DNAAF11: variants seen among roughly 807,000 people sequenced by gnomAD.
DNAAF11 encodes the protein dynein axonemal assembly factor 11, also known as leucine rich repeat containing 6.
DNAAF11 carries 45 observed loss-of-function variants against 60.8 expected under a neutral mutation model. The ratio of observed to expected loss-of-function variants is 0.74; its 90% CI spans 0.58 to 0.95. The LOEUF (loss-of-function observed/expected upper bound fraction) is 0.95. Among genes scored for constraint, DNAAF11 ranks in the 40% least tolerant of loss-of-function variants. The pLI, the probability that DNAAF11 is intolerant of heterozygous loss-of-function variation, is 0.00. For synonymous variants in DNAAF11, 191 were observed against 183.5 expected (o/e 1.04, Z -0.33); for missense variants, 546 against 546.2 (o/e 1.00, Z 0.00).
At chr8:132,586,884 T>A (rs1024774965) in intron 10 of DNAAF11, among the ~76,000 whole-genome samples, 1 of 152,166 alleles carries the variant, frequency 6.6e-6, no homozygotes, top group Non-Finnish European at 1.5e-5. Flanking sequence ...ATATTTTGCA[T>A]GCTCGTCTGC....
chr8:132,648,980 T>G (rs1005859558), intron 3 of DNAAF11, among the ~76,000 whole-genome samples: 1 of 152,206 alleles, frequency 6.6e-6, no homozygotes, highest in African/African-American at 2.4e-5. Context: ...AAGCTACCAA[T>G]GACTTTCTTC....
At chr8:132,654,753 A>G (rs1023927253) in intron 3 of DNAAF11, among the ~76,000 whole-genome samples, 2 of 151,940 alleles carry the variant, frequency 1.3e-5, no homozygotes, top group Non-Finnish European at 2.9e-5. Flanking sequence ...AGCACAACAT[A>G]TCAAAACTTA....
chr8:132,700,658 C>T, the DNAAF11 span, among the ~76,000 whole-genome samples: 2 of 152,132 alleles, frequency 1.3e-5, no homozygotes, highest in African/African-American at 4.8e-5. Flanking sequence ...TCTGCACTTG[C>T]ACTCCAGCCT....
intron 7 of DNAAF11, among the ~76,000 whole-genome samples, chr8:132,620,613 G>C (rs994626170): frequency 1.3e-5 from 2 of 152,190 alleles, no homozygotes; most frequent in African/African-American, 2.4e-5. Context: ...GGGATTATAG[G>C]CGTGAGCCAC....
chr8:132,679,636 C>T (rs943404430), upstream of DNAAF11, among the ~76,000 whole-genome samples: 2 of 152,154 alleles, frequency 1.3e-5, no homozygotes, highest in African/African-American at 4.8e-5. Context: ...ATAATTCCCA[C>T]GTGTTGTGGG....
chr8:132,600,245 A>G (rs944914574), intron 10 of DNAAF11, among the ~76,000 whole-genome samples: 30 of 152,188 alleles, frequency 2.0e-4, no homozygotes. Context: ...AAGGAGAACT[A>G]CAAACCACTG....
At chr8:132,636,311 C>T (rs866667139) in intron 4 of DNAAF11, among the ~76,000 whole-genome samples, 20 of 152,002 alleles carry the variant, frequency 1.3e-4, no homozygotes, top group Non-Finnish European at 7.4e-5. Flanking sequence ...TATAATTTAA[C>T]CCGGAGAGAA....
Position 132,658,511 on chromosome 8 carries a change from T to C in DNAAF11, c.179-1604A>G, listed in dbSNP as rs540150238. ...CTAATTTTTGTATTTTTAGTAGAGA[T>C]GGGGTTTCACTGTGTTAGCCAGGAT... On this transcript the variant is annotated intron_variant, in intron 2 of 11. Coordinates refer to ENST00000620350, the MANE Select transcript of DNAAF11 (RefSeq NM_012472.6). Among the ~76,000 whole-genome samples, 5 of 152,106 alleles carry C rather than the reference T, an allele frequency of 3.3e-5. No homozygotes were observed. In the East Asian group the frequency reaches 9.8e-4, roughly 30 times the overall value.
chr8:132,647,392 C>T (rs1206019569), intron 3 of DNAAF11, among the ~76,000 whole-genome samples: 1 of 152,088 alleles, frequency 6.6e-6, no homozygotes, highest in Non-Finnish European at 1.5e-5. Flanking sequence ...ATTTACAGCA[C>T]TAAATGACCA....
At chr8:132,598,659 C>T (rs1817270826) in intron 10 of DNAAF11, among the ~76,000 whole-genome samples, 1 of 152,154 alleles carries the variant, frequency 6.6e-6, no homozygotes, top group Non-Finnish European at 1.5e-5. Flanking sequence ...AAGTATAAAT[C>T]CTGCAGTTAG....
intron 5 of DNAAF11, among the ~76,000 whole-genome samples, chr8:132,627,679 C>T (rs1359312976): frequency 6.6e-6 from 1 of 152,200 alleles, no homozygotes; most frequent in East Asian, 1.9e-4. Flanking sequence ...GGAAGAGGGA[C>T]ACCCTCTCGT....
At chr8:132,625,580 T>A (rs1388097642) in intron 5 of DNAAF11, 126 bp from the exon 6 acceptor site, 1 of 736,586 alleles carries the variant, frequency 1.4e-6, no homozygotes, top group African/African-American at 1.8e-5. Context: ...ACAAAGTGAC[T>A]CTGAAAGACA....
At chr8:132,657,881 T>C (rs950709915) in intron 2 of DNAAF11, among the ~76,000 whole-genome samples, 1 of 152,180 alleles carries the variant, frequency 6.6e-6, no homozygotes, top group Non-Finnish European at 1.5e-5. Context: ...CAAGGTTAAG[T>C]GGTAGAGCTA....
In DNAAF11 at chr8:132,646,289, G is replaced by C. The variant is rs545153419; in HGVS notation, c.257-8182C>G. Among the ~76,000 whole-genome samples, 52 of 152,282 alleles carry C rather than the reference G, an allele frequency of 3.4e-4. No individual in the cohort carries two copies. In the South Asian group the frequency reaches 0.011, roughly 32 times the overall value. ...TCCTTTACAGACAAGCAAATGCTGA[G>C]AGATTTTGTCACCACCAGGCCTGCC... On this transcript the variant is annotated intron_variant, in intron 3 of 11. Transcript: ENST00000620350.
At chr8:132,641,385 T>A (rs934249718) in intron 3 of DNAAF11, among the ~76,000 whole-genome samples, 3 of 152,150 alleles carry the variant, frequency 2.0e-5, no homozygotes, top group Non-Finnish European at 4.4e-5. Context: ...TTTGTTTGAG[T>A]GTTTATGACC....
the DNAAF11 span, among the ~76,000 whole-genome samples, chr8:132,681,385 C>T: frequency 6.7e-6 from 1 of 148,728 alleles, no homozygotes; most frequent in Non-Finnish European, 1.5e-5. Context: ...GGTACAATTA[C>T]TGTCTCCATC....
rs1263131961 is a variant in DNAAF11, at chr8:132,572,111, T to TAG, written c.*194_*195insCT. 2.0e-5 allele frequency: 9 copies of TAG among 456,696 alleles called. 1 individual carries two copies. In the South Asian group the frequency reaches 5.8e-4, roughly 29 times the overall value. The allele number at this position is 456,696 out of a possible 1,614,324, so 28.3% of individuals were successfully genotyped here. A position where few individuals can be genotyped will look rare whatever the true frequency, so the allele number is the denominator to read the frequency against. The stretch of plus-strand genomic sequence containing the variant: ...CCTTTATTATAGGTAAATGATGAGT[T>TAG]ATAGCATTTAAGACATACATTTTAA... On this transcript the variant is annotated 3_prime_UTR_variant, in exon 12 of 12. Transcript: ENST00000620350.
chr8:132,575,142 C>A (rs1814606237), intron 11 of DNAAF11, among the ~76,000 whole-genome samples: 1 of 152,130 alleles, frequency 6.6e-6, no homozygotes, highest in Non-Finnish European at 1.5e-5. Context: ...AGTAGAGTGT[C>A]TAGGGTAGCT....
intron 10 of DNAAF11, among the ~76,000 whole-genome samples, chr8:132,600,286 T>C (rs1001859619): frequency 3.3e-5 from 5 of 152,242 alleles, no homozygotes; most frequent in East Asian, 1.9e-4. Flanking sequence ...CACAAACAAA[T>C]GGAAGAACAT....
Sources: gnomAD v4.1 joint callset for allele counts (sites outside exome capture counted in the v4.1 genomes callset) on GRCh38, gnomAD v4.1.1 for gene constraint, MANE v1.5 for transcripts, NCBI Gene and HGNC (gene_info 2026-07-23, HGNC 2026-07-21) for gene names.